The following DOCK8 variants were observed in gnomAD, a reference collection of about 807,000 sequenced individuals.
The protein encoded by DOCK8 is dedicator of cytokinesis 8.
A neutral mutation model predicts 245.6 loss-of-function variants in DOCK8; 141 were observed. That is an observed-to-expected ratio of 0.57 (90% confidence interval 0.50 to 0.66). DOCK8 has a LOEUF of 0.66. Among genes scored for constraint, DOCK8 ranks in the 30% least tolerant of loss-of-function variants. The probability of loss-of-function intolerance (pLI) is 0.00; values close to 1 mark genes in which losing one functional copy is unlikely to be tolerated. For missense variants in DOCK8, 2,965 were observed against 2,603.4 expected, an observed-to-expected ratio of 1.14 and a Z score of -3.02; for synonymous variants, 1,168 against 970.2, an observed-to-expected ratio of 1.20 and a Z score of -3.79.
At chr9:403,953 T>TATATATATAC (rs2055276690) in intron 26 of DOCK8, among the ~76,000 whole-genome samples, 3 of 90,234 alleles carry the variant, frequency 3.3e-5, no homozygotes, top group African/African-American at 2.0e-4. Flanking sequence ...TGTGTATATA[T>TATATATATAC]ATATATGTAT....
At chr9:289,481 C>CGT (rs1554657650) in intron 3 of DOCK8, 29 bp from the exon 4 acceptor site, 17 of 1,584,188 alleles carry the variant, frequency 1.1e-5, no homozygotes, top group African/African-American at 1.3e-5. Flanking sequence ...CCAGTAATAA[C>CGT]GTGTTTATTT....
intron 29 of DOCK8, among the ~76,000 whole-genome samples, chr9:415,930 A>G (rs1333659546): frequency 6.6e-6 from 1 of 152,194 alleles, no homozygotes; most frequent in Non-Finnish European, 1.5e-5. Context: ...ATTGTTTATA[A>G]TACTATTACG....
intron 6 of DOCK8, chr9:312,958 A>T (rs1227798873): frequency 6.5e-6 from 1 of 153,906 alleles, no homozygotes; most frequent in Non-Finnish European, 1.4e-5. Flanking sequence ...GGATTTGAGG[A>T]AACTGCATAA....
intron 9 of DOCK8, among the ~76,000 whole-genome samples, chr9:330,063 C>G (rs1309320222): frequency 6.6e-6 from 1 of 152,080 alleles, no homozygotes; most frequent in East Asian, 1.9e-4. Context: ...GGGCTTCTTT[C>G]TTTTTTGTTT....
intron 1 of DOCK8, among the ~76,000 whole-genome samples, chr9:235,198 G>T (rs1175896962): frequency 6.6e-6 from 1 of 151,762 alleles, no homozygotes; most frequent in Non-Finnish European, 1.5e-5. Flanking sequence ...AGCAGCGGTG[G>T]CTACAGAGCA....
chr9:441,894 G>C lies in DOCK8; in HGVS notation c.5375G>C (p.Gly1792Ala). ...IVNKDHKRMFGTYFRVGFFGS... is the reference protein window; with the variant it reads ...IVNKDHKRMFATYFRVGFFGS... ...CCTCAGGATCATAAGAGAATGTTTG[G>C]AACCTACTTCCGAGTTGGTTTCTTT... is the stretch of plus-strand genomic sequence containing the variant. The change falls in exon 42 of 48, where the codon GGA becomes GCA. Residue 1792 changes from glycine (G) to alanine (A), a missense_variant. Transcript: ENST00000432829. The C allele has an allele frequency of 1.2e-6, 2 of 1,614,112 alleles. No homozygotes were observed. Among genetic ancestry groups the C allele is most frequent in the Non-Finnish European group, 1.7e-6 (2 of 1,180,018 alleles).
intron 46 of DOCK8, among the ~76,000 whole-genome samples, chr9:455,715 C>G (rs1355643709): frequency 6.6e-6 from 1 of 152,048 alleles, no homozygotes; most frequent in African/African-American, 2.4e-5. Context: ...GGCTTAATCT[C>G]TTAGGCCATC....
rs1366782005 is a variant in DOCK8 at position 298,617 on chromosome 9, A to AAG, written c.405-5963_405-5962dup. On this transcript the variant is annotated intron_variant, in intron 4 of 47. Coordinates refer to ENST00000432829, the MANE Select transcript of DOCK8 (RefSeq NM_203447.4). The stretch of plus-strand genomic sequence containing the variant: ...ATAATGGAAACAAGCACACATCTGT[A>AAG]AGTGTGTGTGTGTGTGTGTGTGTGT... Among the ~76,000 whole-genome samples the AAG allele has an allele frequency of 6.9e-3, 579 of 84,472 alleles. 5 individuals are homozygous for AAG. The highest frequency in any genetic ancestry group is 0.027 in the African/African-American group (557 of 20,428). 55.4% of individuals were successfully genotyped at this position (84,472 alleles called of 152,430 possible). A position where few individuals can be genotyped will look rare whatever the true frequency, so the allele number is the denominator to read the frequency against.
chr9:370,777 A>G (rs1254293220), intron 16 of DOCK8, among the ~76,000 whole-genome samples: 1 of 152,084 alleles, frequency 6.6e-6, no homozygotes, highest in African/African-American at 2.4e-5. Flanking sequence ...CCTATTATTC[A>G]TGTTCCACAG....
rs911492856 is a variant in DOCK8, at chr9:231,773, C to G, written c.53+16744C>G. Among the ~76,000 whole-genome samples the G allele has an allele frequency of 4.6e-5, 7 of 152,196 alleles. No homozygotes were observed. The East Asian group carries it at 5.8e-4, about 13-fold the overall frequency. On this transcript the variant is annotated intron_variant, in intron 1 of 47. Transcript: ENST00000432829. ...TGTATCCTGAGACTTTGCTGAAGTT[C>G]CTTATCATCTTGAGGAGATTTTGGG... is the stretch of plus-strand genomic sequence containing the variant.
At chr9:255,824 T>G (rs952970050) in intron 1 of DOCK8, among the ~76,000 whole-genome samples, 3 of 152,172 alleles carry the variant, frequency 2.0e-5, no homozygotes, top group African/African-American at 7.2e-5. Flanking sequence ...AAACATAGTA[T>G]TATTTTAATA....
intron 5 of DOCK8, 88 bp from the exon 6 acceptor site, chr9:311,866 T>G (rs1374680076): frequency 1.6e-5 from 24 of 1,517,016 alleles, no homozygotes; most frequent in Non-Finnish European, 2.1e-5. Flanking sequence ...AGTCCCAAAT[T>G]GGAGCAGTCT....
chr9:355,448 C>T (rs1015534799), intron 14 of DOCK8, among the ~76,000 whole-genome samples: 4 of 151,838 alleles, frequency 2.6e-5, no homozygotes, highest in South Asian at 2.1e-4. Flanking sequence ...GTGATCTACC[C>T]ACCTTGGCCT....
intron 28 of DOCK8, among the ~76,000 whole-genome samples, chr9:409,931 A>G (rs2055638687): frequency 6.6e-6 from 1 of 152,028 alleles, no homozygotes; most frequent in Admixed American, 6.6e-5. Flanking sequence ...ACATTTTCTT[A>G]ATCCAGTCTA....
At chr9:258,246 C>CCTCACTAA (rs1409698958) in intron 1 of DOCK8, among the ~76,000 whole-genome samples, 2 of 152,214 alleles carry the variant, frequency 1.3e-5, no homozygotes, top group African/African-American at 4.8e-5. Context: ...ACTGAAGTCA[C>CCTCACTAA]GTCACTAAGT....
intron 1 of DOCK8, among the ~76,000 whole-genome samples, chr9:224,956 G>T (rs1236578251): frequency 7.9e-5 from 12 of 152,146 alleles, no homozygotes; most frequent in Admixed American, 7.9e-4. Context: ...TGACATGCTG[G>T]CTGGTTTAAT....
At chr9:253,784 C>G (rs2047705434) in intron 1 of DOCK8, among the ~76,000 whole-genome samples, 1 of 152,106 alleles carries the variant, frequency 6.6e-6, no homozygotes, top group Non-Finnish European at 1.5e-5. Context: ...ATTTTTTCCC[C>G]TAAAATCTTA....
intron 45 of DOCK8, among the ~76,000 whole-genome samples, chr9:450,250 T>C (rs1221206599): frequency 1.3e-5 from 2 of 152,188 alleles, no homozygotes; most frequent in Middle Eastern, 3.2e-3. Context: ...TGAAGAATGC[T>C]TAGTCATGAC....
chr9:368,422 A>G (rs1373483952), intron 15 of DOCK8: 2 of 625,850 alleles, frequency 3.2e-6, no homozygotes, highest in African/African-American at 1.8e-5. Flanking sequence ...GGACCACCCC[A>G]CTCTAAAGGC....
Sources: allele counts gnomAD v4.1 joint callset (sites outside exome capture counted in the v4.1 genomes callset), GRCh38; gene constraint gnomAD v4.1.1; transcripts MANE v1.5; gene names NCBI Gene and HGNC (gene_info 2026-07-23, HGNC 2026-07-21).